Variants in PARN observed in about 807,000 individuals in gnomAD.
The protein encoded by PARN is poly(A)-specific ribonuclease PARN.
A neutral mutation model predicts 102.8 loss-of-function variants in PARN; 71 were observed. The observed-to-expected ratio is 0.69, with a 90% CI of 0.57 to 0.84. PARN has a LOEUF of 0.84. PARN is among the 40% of genes least tolerant of loss of function. The pLI, the probability that PARN is intolerant of heterozygous loss-of-function variation, is 0.00. For missense variants in PARN, 782 were observed against 760.9 expected (o/e 1.03, Z -0.33); for synonymous variants, 261 against 252.9 (o/e 1.03, Z -0.30).
intron 18 of PARN, among the ~76,000 whole-genome samples, chr16:14,568,262 C>T (rs1968555917): frequency 6.8e-6 from 1 of 147,204 alleles, no homozygotes; most frequent in Non-Finnish European, 1.5e-5. Context: ...GCCCAGGCTG[C>T]GGTGCAGTGG....
At chr16:14,479,004 A>G (rs1340144036) in intron 22 of PARN, among the ~76,000 whole-genome samples, 1 of 152,182 alleles carries the variant, frequency 6.6e-6, no homozygotes, top group African/African-American at 2.4e-5. Flanking sequence ...TCCTGACCTC[A>G]GGTCATCTGC....
At chr16:14,505,761 A>G (rs1212512436) in intron 21 of PARN, among the ~76,000 whole-genome samples, 1 of 152,220 alleles carries the variant, frequency 6.6e-6, no homozygotes, top group African/African-American at 2.4e-5. Context: ...AATATCAACC[A>G]ATTAAACTTC....
chr16:14,629,753 C>T, intron 1 of PARN, 79 bp from the exon 2 acceptor site: 1 of 1,074,386 alleles, frequency 9.3e-7, no homozygotes, highest in Non-Finnish European at 1.4e-6. Context: ...GGCCGAGGAG[C>T]TCCCGAGGCT....
chr16:14,482,572 G>C, intron 22 of PARN, 66 bp downstream of exon 22: 1 of 1,269,086 alleles, frequency 7.9e-7, no homozygotes, highest in Non-Finnish European at 1.1e-6. Context: ...ACAAACCTAT[G>C]AGAAGCAACA....
At chr16:14,589,982 G>A (rs1970075499) in intron 13 of PARN, among the ~76,000 whole-genome samples, 1 of 152,050 alleles carries the variant, frequency 6.6e-6, no homozygotes, top group African/African-American at 2.4e-5. Context: ...CAAGCCCGGT[G>A]GCTCACACCT....
At chr16:14,450,254 T>C (rs1051065581) in intron 22 of PARN, among the ~76,000 whole-genome samples, 1 of 152,210 alleles carries the variant, frequency 6.6e-6, no homozygotes, top group Admixed American at 6.5e-5. Context: ...GAGTAGGGTG[T>C]GGGAGAGAAT....
In PARN at chr16:14,463,850, GA is replaced by G. The variant is rs1300966034; in HGVS notation, c.1671-16770del. On this transcript the variant is annotated intron_variant, in intron 22 of 23. Transcript: ENST00000437198. ...AAACTTTTTTTTTTGGGGGGGGGGG[GA>G]CGACAAGGTCTCACTCTGTCACCCA... 2.4e-4 allele frequency among the ~76,000 whole-genome samples: 31 copies of G among 127,900 alleles called. 1 individual carries two copies. The highest frequency in any genetic ancestry group is 3.7e-4 in the African/African-American group (12 of 32,322). 83.9% of individuals were successfully genotyped at this position (127,900 alleles called of 152,430 possible).
At chr16:14,504,121 G>A (rs1433474598) in intron 21 of PARN, among the ~76,000 whole-genome samples, 1 of 152,170 alleles carries the variant, frequency 6.6e-6, no homozygotes, top group African/African-American at 2.4e-5. Context: ...ATCATCCTAT[G>A]AAAACAATCT....
intron 13 of PARN, 98 bp from the exon 14 acceptor site, chr16:14,586,459 C>T (rs1160985939): frequency 1.4e-6 from 1 of 728,344 alleles, no homozygotes; most frequent in Non-Finnish European, 2.4e-6. Context: ...TCTTCTCAAA[C>T]AAGCTGTTGG....
chr16:14,628,415 A>G (rs1972810026), intron 2 of PARN, among the ~76,000 whole-genome samples, 164 bp from the exon 3 acceptor site: 1 of 152,230 alleles, frequency 6.6e-6, no homozygotes, highest in African/African-American at 2.4e-5. Context: ...AGTGGCCACC[A>G]GGTTAAACCC....
rs1379222052 is a variant in PARN, at chr16:14,605,402, C to T, written c.702+1082G>A. ...AACAGACATCAGTTAAAAATATCAA[C>T]AGACTGTGAGAATAAGACATTTCCT... On this transcript the variant is annotated intron_variant, in intron 10 of 23. Transcript: ENST00000437198. 9.2e-5 allele frequency among the ~76,000 whole-genome samples: 14 copies of T among 152,324 alleles called. No individual in the cohort carries two copies. In the East Asian group the frequency reaches 2.7e-3, roughly 29 times the overall value.
At chr16:14,536,692 T>C (rs117383675) in intron 21 of PARN, among the ~76,000 whole-genome samples, 203 of 152,356 alleles carry the variant, frequency 1.3e-3, no homozygotes, top group Non-Finnish European at 2.4e-3. Flanking sequence ...TTTCCTTTTC[T>C]ATGTAGTTTT....
chr16:14,503,516 C>T (rs1468835676), intron 21 of PARN, among the ~76,000 whole-genome samples: 1 of 152,200 alleles, frequency 6.6e-6, no homozygotes, highest in Non-Finnish European at 1.5e-5. Flanking sequence ...TATGATACTG[C>T]TCTTTTCCCT....
chr16:14,446,984 C>G lies in PARN; in HGVS notation c.1768G>C (p.Glu590Gln), dbSNP rs975097908. The change falls in exon 23 of 24, where the codon GAG (glutamate) becomes CAG (glutamine). Residue 590 changes from glutamate to glutamine, a missense_variant. Transcript: ENST00000437198. ...DGVSGEISDTELEQTDSCAEP... is the reference protein window; with the variant it reads ...DGVSGEISDTQLEQTDSCAEP... The stretch of plus-strand genomic sequence containing the variant: ...GCACAGGAATCGGTCTGCTCAAGCT[C>G]AGTGTCGGAAATCTCCCCTGACACT... The G allele has an allele frequency of 2.5e-6, 4 of 1,613,640 alleles. No individual in the cohort carries two copies. In the African/African-American group the frequency reaches 5.3e-5, roughly 22 times the overall value.
intron 18 of PARN, among the ~76,000 whole-genome samples, chr16:14,577,523 T>C (rs766408207): frequency 2.0e-5 from 3 of 151,942 alleles, no homozygotes; most frequent in Non-Finnish European, 4.4e-5. Flanking sequence ...TTGTATAGAC[T>C]GGGTTTTGCC....
rs774710226 is a variant in PARN, at chr16:14,447,063, T to C, written c.1689A>G (p.Thr563=). 5.0e-6 allele frequency: 8 copies of C among 1,613,116 alleles called. No homozygotes were observed. The highest frequency in any genetic ancestry group is 6.8e-6 in the Non-Finnish European group (8 of 1,179,540). The change falls in exon 23 of 24, where the codon ACA becomes ACG. Residue 563 remains threonine (T), a synonymous_variant. Transcript: ENST00000437198. The part of the protein sequence containing the change: ...YRNNSFTAPS[T]VGKRNLSPSQ... ...TAGGACTCAAATTTCTCTTTCCTAC[T>C]GTGCTGGGAGCTGTAAAACTGAAAT...
intron 21 of PARN, among the ~76,000 whole-genome samples, chr16:14,487,129 C>G (rs1488499966): frequency 6.6e-6 from 1 of 152,268 alleles, no homozygotes; most frequent in Non-Finnish European, 1.5e-5. Flanking sequence ...ACGCGGTTGT[C>G]TCTTGACACT....
chr16:14,524,498 T>C (rs1439733229), intron 21 of PARN, among the ~76,000 whole-genome samples: 1 of 152,180 alleles, frequency 6.6e-6, no homozygotes, highest in African/African-American at 2.4e-5. Context: ...AGCTTGAACA[T>C]AATCACTTTT....
chr16:14,616,821 T>C (rs552647564), intron 6 of PARN, among the ~76,000 whole-genome samples: 134 of 151,902 alleles, frequency 8.8e-4, no homozygotes, highest in Non-Finnish European at 1.6e-3. Flanking sequence ...AACATAAACA[T>C]GCACTAGCTG....
Sources: allele counts gnomAD v4.1 joint callset (sites outside exome capture counted in the v4.1 genomes callset), GRCh38; gene constraint gnomAD v4.1.1; transcripts MANE v1.5; gene names NCBI Gene and HGNC (gene_info 2026-07-23, HGNC 2026-07-21).